The following TCEA2 variants were observed in gnomAD, a reference collection of about 807,000 sequenced individuals.
The protein encoded by TCEA2 is transcription elongation factor A2, also known as transcription elongation factor A protein 2.
Under a neutral mutation model 40.8 loss-of-function variants are expected in TCEA2, and 21 were observed. That is an observed-to-expected ratio of 0.51 (90% CI 0.36 to 0.74). The LOEUF is 0.74. TCEA2 is among the 30% of genes least tolerant of loss of function. The probability of loss-of-function intolerance (pLI) is 0.00; values close to 1 mark genes in which losing one functional copy is unlikely to be tolerated. For synonymous variants in TCEA2, 165 were observed against 162.7 expected (o/e 1.01, Z -0.11); for missense variants, 326 against 426.5 (o/e 0.76, Z 2.08).
intron 1 of TCEA2, 117 bp from the exon 2 acceptor site, chr20:64,066,359 C>T (rs1569248731): frequency 1.5e-6 from 2 of 1,310,944 alleles, no homozygotes; most frequent in Admixed American, 1.9e-5. Context: ...TTCTTTTTGA[C>T]CCCAGGTTGA....
Position 64,070,509 on chromosome 20 carries a change from G to A in TCEA2, c.693G>A (p.Leu231=), listed in dbSNP as rs1404755591. 2 of 1,613,732 alleles carry A rather than the reference G, an allele frequency of 1.2e-6. No individual in the cohort carries two copies. The highest frequency in any genetic ancestry group is 1.3e-5 in the African/African-American group (1 of 74,944). ...MTSEEMASDE[L]KEIRKAMTKE... ...TCCAGGAGATGGCCAGTGATGAGCT[G>A]AAGGAGATCCGTAAGGCCATGACCA... The change falls in exon 8 of 10, where the codon CTG becomes CTA. Residue 231 remains leucine, a synonymous_variant. Transcript: ENST00000343484.
chr20:64,061,267 AT>A (rs71197442), upstream of TCEA2, among the ~76,000 whole-genome samples: 67 of 144,588 alleles, frequency 4.6e-4, no homozygotes, highest in East Asian at 2.9e-3. Flanking sequence ...CGCCCGGCTA[AT>A]TTTTTTTTTG....
intron 2 of TCEA2, 82 bp downstream of exon 2, chr20:64,066,620 C>A: frequency 6.7e-7 from 1 of 1,488,342 alleles, no homozygotes; most frequent in Non-Finnish European, 9.3e-7. Flanking sequence ...CCTGGCAGGG[C>A]TTCCCCACCC....
At chr20:64,068,013 C>T (rs557908685) in intron 3 of TCEA2, 34 bp from the exon 4 acceptor site, 1 of 1,553,782 alleles carries the variant, frequency 6.4e-7, no homozygotes. Flanking sequence ...CCTCTGCCTC[C>T]CCTTGATCAG....
intron 4 of TCEA2, among the ~76,000 whole-genome samples, chr20:64,068,523 A>T (rs2059749118): frequency 1.3e-5 from 2 of 152,198 alleles, no homozygotes; most frequent in South Asian, 4.1e-4. Context: ...GCCCAGAACC[A>T]AAGGCGGGGG....
rs368280525 is a variant in TCEA2 at position 64,070,338 on chromosome 20, C to T, written c.596C>T (p.Ala199Val). Residue 199 changes from alanine to valine, a missense_variant, in exon 7 of 10, where the codon GCC (alanine) becomes GTC (valine). Physicochemically the swap from Ala to Val is moderately conservative, Grantham distance 64. Coordinates refer to ENST00000343484, the MANE Select transcript of TCEA2 (RefSeq NM_003195.6). The part of the protein sequence containing the change: ...VRSRISNLKD[A>V]KNPDLRRNVL... The stretch of plus-strand genomic sequence containing the variant: ...AGTCGTATCTCCAACCTGAAGGATG[C>T]CAAGAACCCTGACCTGCGGCGGAAT... The T allele has an allele frequency of 1.2e-6, 2 of 1,614,104 alleles. No homozygotes were observed. Among genetic ancestry groups the T allele is most frequent in the Non-Finnish European group, 1.7e-6 (2 of 1,180,046 alleles).
intron 8 of TCEA2, among the ~76,000 whole-genome samples, chr20:64,071,594 C>G (rs1474064278): frequency 1.3e-5 from 2 of 152,226 alleles, no homozygotes; most frequent in Non-Finnish European, 2.9e-5. Flanking sequence ...TAGTTCCCCC[C>G]ACCATTGGGA....
chr20:64,060,253 CACCCCCA>C (rs2059536369), upstream of TCEA2, among the ~76,000 whole-genome samples: 1 of 152,198 alleles, frequency 6.6e-6, no homozygotes, highest in Non-Finnish European at 1.5e-5. Flanking sequence ...GTCTCCCCCC[CACCCCCA>C]GCTTGAGGGC....
At chr20:64,070,143 C>A in intron 6 of TCEA2, 117 bp from the exon 7 acceptor site, 1 of 1,474,822 alleles carries the variant, frequency 6.8e-7, no homozygotes, top group Non-Finnish European at 9.3e-7. Flanking sequence ...GCAGACCGAC[C>A]CCTGTGTGGC....
chr20:64,062,948 C>G (rs1297416958), upstream of TCEA2: 5 of 167,034 alleles, frequency 3.0e-5, no homozygotes, highest in African/African-American at 9.5e-5. Flanking sequence ...CCGGTCGCTC[C>G]GGGATGTCTG....
chr20:64,057,135 G>C (rs11905532), upstream of TCEA2: 30,079 of 152,056 alleles, frequency 0.2, 3,138 homozygotes, highest in Non-Finnish European at 0.22. Flanking sequence ...CCCTGTGGCA[G>C]CTCCTAGTCA....
In TCEA2 at chr20:64,058,098, G is replaced by A. The variant is rs2059497612; in HGVS notation, c.-84+447G>A. Among the ~76,000 whole-genome samples, 1 of 152,222 alleles carries A rather than the reference G, an allele frequency of 6.6e-6. No homozygotes were observed. Among genetic ancestry groups the A allele is most frequent in the Non-Finnish European group, 1.5e-5 (1 of 68,030 alleles). ...GTAGTTGCTTCCACGCAGGACTAGA[G>A]CATGTCAGGGTTCGGGGCTCCTGTC... On this transcript the variant is annotated intron_variant, in intron 1 of 10. Coordinates refer to the TCEA2 transcript ENST00000361317. The surrounding 1 kb of genome is among the most constrained non-coding windows in gnomAD (Gnocchi z 6.7).
intron 9 of TCEA2, 64 bp from the exon 10 acceptor site, chr20:64,072,108 G>T: frequency 1.7e-5 from 28 of 1,607,500 alleles, no homozygotes; most frequent in Non-Finnish European, 2.4e-5. Context: ...GAGCCTGTGC[G>T]GCCTTCCACT....
intron 3 of TCEA2, among the ~76,000 whole-genome samples, 190 bp from the exon 4 acceptor site, chr20:64,067,857 G>T (rs1413710108): frequency 6.6e-6 from 1 of 152,192 alleles, no homozygotes; most frequent in Non-Finnish European, 1.5e-5. Context: ...TGCTGGGGAG[G>T]GTGAGGACCT....
At chr20:64,057,404 T>A (rs2059486701) in exon 1 of TCEA2, 2 of 152,182 alleles carry the variant, frequency 1.3e-5, no homozygotes, top group African/African-American at 2.4e-5. Context: ...CCGCAGTGGC[T>A]CCCCGTGTGT....
At chr20:64,060,737 CTCTG>C (rs1444144911), upstream of TCEA2, among the ~76,000 whole-genome samples, 3 of 152,080 alleles carry the variant, frequency 2.0e-5, no homozygotes, top group African/African-American at 7.2e-5. Context: ...ATCGCGGGGC[CTCTG>C]TCTTAGAAAG....
At chr20:64,059,961 G>A (rs1601568673), upstream of TCEA2, among the ~76,000 whole-genome samples, 1 of 152,114 alleles carries the variant, frequency 6.6e-6, no homozygotes, top group Non-Finnish European at 1.5e-5. Context: ...CTCCTTGATA[G>A]TGACTTGCTC....
At chr20:64,056,674 CTG>C (rs1388830405), upstream of TCEA2, 1 of 152,138 alleles carries the variant, frequency 6.6e-6, no homozygotes, top group Non-Finnish European at 1.5e-5. Flanking sequence ...ATAGCGGCCA[CTG>C]GGGTCATGGC....
Position 64,068,107 on chromosome 20 carries a change from G to A in TCEA2, c.302G>A (p.Arg101Lys). The A allele has an allele frequency of 1.2e-6, 2 of 1,609,750 alleles. No individual in the cohort carries two copies. Residue 101 changes from arginine (R) to lysine (K), a missense_variant, in exon 4 of 10, where the codon AGG becomes AAG. By Grantham distance (26) the Arg-to-Lys change is conservative. Coordinates refer to ENST00000343484, the MANE Select transcript of TCEA2 (RefSeq NM_003195.6). ...GRGMPLPTSS[R>K]DASEAPDPSR... ...GGCATGCCTCTGCCCACGTCCTCGA[G>A]GGATGCCTCAGAGGCCCCGGATCCC...
Sources: allele counts gnomAD v4.1 joint callset (sites outside exome capture counted in the v4.1 genomes callset), GRCh38; gene constraint gnomAD v4.1.1; non-coding constraint Gnocchi (gnomAD v3.1); transcripts MANE v1.5; gene names NCBI Gene and HGNC (gene_info 2026-07-23, HGNC 2026-07-21).